The following TLCD4 variants were observed in gnomAD, a reference collection of about 807,000 sequenced individuals.
TLCD4 encodes the protein TLC domain containing 4.
In TLCD4, 7 loss-of-function variants were observed where a neutral mutation model predicts 24.2. The observed-to-expected ratio is 0.29, with a 90% CI of 0.16 to 0.54. TLCD4 has a LOEUF of 0.54. Among genes scored for constraint, TLCD4 ranks in the 20% least tolerant of loss-of-function variants. The pLI, the probability that TLCD4 is intolerant of heterozygous loss-of-function variation, is 0.95. For synonymous variants in TLCD4, 103 were observed against 106.4 expected (o/e 0.97, Z 0.20); for missense variants, 259 against 313.9 (o/e 0.82, Z 1.32).
chr1:95,177,668 T>C (rs10458508), intron 6 of TLCD4, among the ~76,000 whole-genome samples: 49,929 of 151,994 alleles, frequency 0.33, 9,945 homozygotes, highest in East Asian at 0.62. Flanking sequence ...ATTATTTACA[T>C]AGAAGGAGCT....
intron 1 of TLCD4, among the ~76,000 whole-genome samples, chr1:95,135,685 A>G (rs1026712875): frequency 2.0e-5 from 3 of 152,098 alleles, no homozygotes; most frequent in African/African-American, 7.2e-5. Flanking sequence ...GGTGTGAGCT[A>G]CCATGCCCAG....
At position 95,167,058 on chromosome 1, in the gene TLCD4, CTCTTT is replaced by C. The variant is rs879273396; in HGVS notation, c.400-6756_400-6752del. Among the ~76,000 whole-genome samples, 7 of 151,484 alleles carry C rather than the reference CTCTTT, an allele frequency of 4.6e-5. No individual in the cohort carries two copies. In the South Asian group the frequency reaches 6.3e-4, roughly 14 times the overall value. ...TTCTTTTTCCTCTTTTGAGTGCCTT[CTCTTT>C]TGAGTGCCGCATACTGATGGCCATC... is the stretch of plus-strand genomic sequence containing the variant. On this transcript the variant is annotated intron_variant, in intron 5 of 6. Coordinates refer to ENST00000370203, the MANE Select transcript of TLCD4 (RefSeq NM_152487.3).
chr1:95,158,196 T>C (rs1276684485), intron 5 of TLCD4, among the ~76,000 whole-genome samples: 6 of 150,328 alleles, frequency 4.0e-5, no homozygotes, highest in Non-Finnish European at 7.4e-5. Context: ...TTCTTTTTTT[T>C]TTTTTTTTTG....
intron 1 of TLCD4, 56 bp from the exon 2 acceptor site, chr1:95,143,835 A>C (rs555289371): frequency 1.5e-6 from 2 of 1,308,842 alleles, no homozygotes; most frequent in East Asian, 2.8e-5. Flanking sequence ...AAAATAAAAA[A>C]ATTACTCTAG....
In TLCD4 at chr1:95,150,257, C is replaced by T. The variant is rs976802949; in HGVS notation, c.295C>T (p.Leu99Phe). The T allele has an allele frequency of 6.2e-7, 1 of 1,609,848 alleles. No homozygotes were observed. Among genetic ancestry groups the T allele is most frequent in the African/African-American group, 1.3e-5 (1 of 74,608 alleles). Residue 99 changes from leucine (L) to phenylalanine (F), a missense_variant, in exon 4 of 7, where the codon CTC (leucine) becomes TTC (phenylalanine). By Grantham distance (22) the Leu-to-Phe change is conservative. Coordinates refer to ENST00000370203, the MANE Select transcript of TLCD4 (RefSeq NM_152487.3). ...NVNIAIASGYLISDLSIIILY... is the reference protein window; with the variant it reads ...NVNIAIASGYFISDLSIIILY... ...GAATATTGCTATTGCCTCAGGCTACCTCATTTCTGGTATGTGAGATGTTGT... is the reference window on the plus strand; with the variant it reads ...GAATATTGCTATTGCCTCAGGCTACTTCATTTCTGGTATGTGAGATGTTGT...
At chr1:95,142,400 G>A (rs994847354) in intron 1 of TLCD4, among the ~76,000 whole-genome samples, 82 of 150,328 alleles carry the variant, frequency 5.5e-4, no homozygotes, top group African/African-American at 1.8e-3. Context: ...TCTCATTTGT[G>A]CAGTGACGGT....
upstream of TLCD4, among the ~76,000 whole-genome samples, chr1:95,115,355 G>A (rs1016552775): frequency 2.6e-5 from 4 of 151,972 alleles, no homozygotes; most frequent in African/African-American, 7.3e-5. Flanking sequence ...TGATCTGCCC[G>A]CCTCAGCCTC....
At chr1:95,144,644 A>G (rs537614657) in intron 2 of TLCD4, among the ~76,000 whole-genome samples, 9 of 151,792 alleles carry the variant, frequency 5.9e-5, no homozygotes, top group Non-Finnish European at 1.2e-4. Context: ...TTAGACATCT[A>G]TTGATATAGA....
rs1679042200 is a variant in TLCD4 at position 95,191,916 on chromosome 1, T to C, written c.*48T>C. The C allele has an allele frequency of 1.3e-6, 2 of 1,562,866 alleles. No individual in the cohort carries two copies. The highest frequency in any genetic ancestry group is 1.4e-5 in the African/African-American group (1 of 73,038). On this transcript the variant is annotated 3_prime_UTR_variant, in exon 7 of 7. Coordinates refer to ENST00000370203, the MANE Select transcript of TLCD4 (RefSeq NM_152487.3). ...CTTCATTACTACCCAGCATATCTGC[T>C]GATAGGATGAATTCTTGGCATGTTC...
upstream of TLCD4, among the ~76,000 whole-genome samples, chr1:95,115,088 T>TTATATATATATACA (rs138716819): frequency 0.28 from 39,926 of 143,648 alleles, 6,367 homozygotes; most frequent in Middle Eastern, 0.38. Context: ...TATATACACA[T>TTATATATATATACA]TATATATATA....
intron 6 of TLCD4, among the ~76,000 whole-genome samples, chr1:95,191,057 A>C (rs1197398439): frequency 6.6e-6 from 1 of 152,164 alleles, no homozygotes; most frequent in East Asian, 1.9e-4. Flanking sequence ...ATGCAAGATC[A>C]TACAGGTTTT....
chr1:95,150,598 C>T (rs1677468982), intron 4 of TLCD4, among the ~76,000 whole-genome samples: 1 of 152,120 alleles, frequency 6.6e-6, no homozygotes, highest in African/African-American at 2.4e-5. Flanking sequence ...TAGGGTCCCT[C>T]ACTTGCAAGA....
At chr1:95,151,206 A>G (rs972566172) in intron 4 of TLCD4, 119 bp from the exon 5 acceptor site, 63 of 992,738 alleles carry the variant, frequency 6.3e-5, no homozygotes, top group African/African-American at 3.3e-4. Flanking sequence ...AGGGATGAAC[A>G]AAGTGCTGTG....
chr1:95,128,872 G>T (rs1333663565), intron 1 of TLCD4, among the ~76,000 whole-genome samples: 2 of 152,140 alleles, frequency 1.3e-5, no homozygotes, highest in Non-Finnish European at 2.9e-5. Context: ...AGGAAAGATA[G>T]GATTATGACA....
chr1:95,160,910 T>G (rs902563389), intron 5 of TLCD4, among the ~76,000 whole-genome samples: 1 of 152,226 alleles, frequency 6.6e-6, no homozygotes, highest in Non-Finnish European at 1.5e-5. Flanking sequence ...TTGCCAGTAT[T>G]TTATTGAGGA....
chr1:95,106,530 GTC>G, the TLCD4 span, among the ~76,000 whole-genome samples: 2 of 152,032 alleles, frequency 1.3e-5, no homozygotes, highest in Non-Finnish European at 2.9e-5. Flanking sequence ...GTGAAATTCT[GTC>G]TCTACCAAAA....
At chr1:95,102,417 A>G in the TLCD4 span, among the ~76,000 whole-genome samples, 1 of 152,298 alleles carries the variant, frequency 6.6e-6, no homozygotes, top group East Asian at 1.9e-4. Context: ...GAGAGAGCTG[A>G]GCAAGAGGGA....
At chr1:95,124,815 T>C (rs555402734) in intron 1 of TLCD4, among the ~76,000 whole-genome samples, 2 of 151,600 alleles carry the variant, frequency 1.3e-5, no homozygotes, top group Admixed American at 6.6e-5. Context: ...ATTAACTTAA[T>C]AGAACTATAG....
chr1:95,163,030 T>G (rs1167624472), intron 5 of TLCD4, among the ~76,000 whole-genome samples: 2 of 152,198 alleles, frequency 1.3e-5, no homozygotes, highest in Non-Finnish European at 2.9e-5. Context: ...CTGTATTTCC[T>G]GAATTTGAAT....
Sources: allele counts gnomAD v4.1 joint callset (sites outside exome capture counted in the v4.1 genomes callset), GRCh38; gene constraint gnomAD v4.1.1; transcripts MANE v1.5; gene names NCBI Gene and HGNC (gene_info 2026-07-23, HGNC 2026-07-21).